The following RGS6 variants were observed in gnomAD, a reference collection of about 807,000 sequenced individuals.
RGS6 encodes the protein regulator of G-protein signaling 6.
A neutral mutation model predicts 78.5 loss-of-function variants in RGS6; 30 were observed. That is an observed-to-expected ratio of 0.38 (90% CI 0.29 to 0.52). The LOEUF is 0.52. RGS6 is among the 20% of genes least tolerant of loss of function. The pLI is 0.85. For missense variants in RGS6, 495 were observed against 609.7 expected (o/e 0.81, Z 1.98); for synonymous variants, 206 against 206.0 (o/e 1.00, Z 0.00).
intron 3 of RGS6, among the ~76,000 whole-genome samples, chr14:72,421,356 A>C (rs539591042): frequency 0.023 from 3,514 of 152,174 alleles, 65 homozygotes; most frequent in Middle Eastern, 0.065. Context: ...CCTGGTCATC[A>C]AAACTATGAG....
At chr14:72,031,733 G>C (rs2090928277) in intron 2 of RGS6, among the ~76,000 whole-genome samples, 1 of 152,190 alleles carries the variant, frequency 6.6e-6, no homozygotes, top group Admixed American at 6.5e-5. Context: ...ACCAAAGCAA[G>C]TCATGTGGCC....
chr14:72,334,468 C>T (rs2075673532), intron 2 of RGS6, among the ~76,000 whole-genome samples: 1 of 152,324 alleles, frequency 6.6e-6, no homozygotes, highest in East Asian at 1.9e-4. Flanking sequence ...CACCCCTCCC[C>T]CATGAAACCA....
intron 2 of RGS6, among the ~76,000 whole-genome samples, chr14:72,145,843 G>T (rs971217775): frequency 6.6e-6 from 1 of 152,142 alleles, no homozygotes; most frequent in Non-Finnish European, 1.5e-5. Context: ...GACAGGAGAT[G>T]TATAGTAGAG....
chr14:72,154,431 C>T (rs1016790539), intron 2 of RGS6, among the ~76,000 whole-genome samples: 2 of 152,206 alleles, frequency 1.3e-5, no homozygotes, highest in African/African-American at 4.8e-5. Context: ...AATTTGGGAA[C>T]TGATACATGT....
At chr14:71,916,433 T>C in the RGS6 span, among the ~76,000 whole-genome samples, 1 of 152,144 alleles carries the variant, frequency 6.6e-6, no homozygotes, top group African/African-American at 2.4e-5. Context: ...TTTTGGTAAA[T>C]AGGTCTCTGT....
At chr14:72,116,287 A>G (rs535096360) in intron 2 of RGS6, among the ~76,000 whole-genome samples, 25 of 152,296 alleles carry the variant, frequency 1.6e-4, no homozygotes, top group South Asian at 1.0e-3. Context: ...GCTGATGAGC[A>G]TCTACCATGT....
At chr14:72,549,309 G>A (rs536909198) in intron 17 of RGS6, among the ~76,000 whole-genome samples, 5 of 151,632 alleles carry the variant, frequency 3.3e-5, no homozygotes, top group African/African-American at 4.8e-5. Flanking sequence ...TCTCTCTCCC[G>A]AATGTCTGAA....
the RGS6 span, among the ~76,000 whole-genome samples, chr14:72,605,713 C>T: frequency 6.6e-6 from 1 of 152,306 alleles, no homozygotes; most frequent in South Asian, 2.1e-4. Context: ...CTCTGCTCTT[C>T]TTAAGAGTAA....
chr14:72,550,519 G>C, intron 17 of RGS6: 1 of 1,535,722 alleles, frequency 6.5e-7, no homozygotes, highest in Non-Finnish European at 8.7e-7. Context: ...ATTACACTGG[G>C]AAATGGAGAT....
intron 1 of RGS6, among the ~76,000 whole-genome samples, chr14:71,940,979 G>A (rs1052312082): frequency 5.3e-5 from 8 of 152,142 alleles, no homozygotes; most frequent in Non-Finnish European, 1.2e-4. Flanking sequence ...TTAAGAGCTT[G>A]TGTCTATTTT....
chr14:72,166,416 A>T (rs533976185), intron 2 of RGS6, among the ~76,000 whole-genome samples: 18 of 152,226 alleles, frequency 1.2e-4, no homozygotes, highest in Non-Finnish European at 2.6e-4. Flanking sequence ...TGACAAAGCA[A>T]AATTAATGCT....
chr14:72,093,260 G>A (rs1015959410), intron 2 of RGS6, among the ~76,000 whole-genome samples: 9 of 151,850 alleles, frequency 5.9e-5, no homozygotes, highest in East Asian at 1.9e-4. Flanking sequence ...TTATTTTATC[G>A]AGACAGGATC....
At chr14:71,926,085 C>T in the RGS6 span, among the ~76,000 whole-genome samples, 3 of 152,254 alleles carry the variant, frequency 2.0e-5, no homozygotes, top group African/African-American at 7.2e-5. Context: ...AATGTATATG[C>T]TACCCAAAGT....
chr14:72,343,427 C>G (rs558239824), intron 2 of RGS6, among the ~76,000 whole-genome samples: 3 of 152,276 alleles, frequency 2.0e-5, no homozygotes, highest in South Asian at 4.1e-4. Flanking sequence ...TTTCAAGGAC[C>G]CATGTGATTC....
intron 4 of RGS6, among the ~76,000 whole-genome samples, chr14:72,456,462 TG>T (rs2095633712): frequency 1.3e-5 from 2 of 152,160 alleles, no homozygotes; most frequent in Admixed American, 1.3e-4. Context: ...GCTAATTTTT[TG>T]TTTTATTTTT....
At chr14:72,255,645 A>C (rs910656290) in intron 2 of RGS6, among the ~76,000 whole-genome samples, 1 of 152,164 alleles carries the variant, frequency 6.6e-6, no homozygotes. Flanking sequence ...CTCTTTAACT[A>C]TTCAGTTGAT....
chr14:72,228,322 A>C lies in RGS6; in HGVS notation c.85-123773A>C, dbSNP rs1472505685. On this transcript the variant is annotated intron_variant, in intron 2 of 17. Coordinates refer to ENST00000553525, the MANE Select transcript of RGS6 (RefSeq NM_001204424.2). The stretch of plus-strand genomic sequence containing the variant: ...CTTGAACCCAGGAGGTGGAGGTTGC[A>C]GTGAGTCGAGATTGCACCACTGCAC... 4.6e-5 allele frequency among the ~76,000 whole-genome samples: 7 copies of C among 152,230 alleles called. No individual in the cohort carries two copies. In the South Asian group the frequency reaches 1.0e-3, roughly 23 times the overall value.
chr14:72,273,287 A>T (rs963033542), intron 2 of RGS6, among the ~76,000 whole-genome samples: 1 of 152,182 alleles, frequency 6.6e-6, no homozygotes, highest in East Asian at 1.9e-4. Context: ...ACTTATATGT[A>T]TGTGGGTCAT....
chr14:72,349,813 G>A (rs2078780326), intron 2 of RGS6, among the ~76,000 whole-genome samples: 1 of 152,186 alleles, frequency 6.6e-6, no homozygotes, highest in South Asian at 2.1e-4. Context: ...GGTGTAAACA[G>A]TTACTATCTA....
Sources: allele counts gnomAD v4.1 joint callset (sites outside exome capture counted in the v4.1 genomes callset), GRCh38; gene constraint gnomAD v4.1.1; transcripts MANE v1.5; gene names NCBI Gene and HGNC (gene_info 2026-07-23, HGNC 2026-07-21).